PAM: variants seen among roughly 807,000 people sequenced by gnomAD.
PAM encodes the protein peptidyl-glycine alpha-amidating monooxygenase.
A neutral mutation model predicts 122.1 loss-of-function variants in PAM; 72 were observed. The ratio of observed to expected loss-of-function variants is 0.59; its 90% CI spans 0.49 to 0.72. The LOEUF is 0.72. PAM is among the 30% of genes least tolerant of loss of function. The pLI, the probability that PAM is intolerant of heterozygous loss-of-function variation, is 0.00. For synonymous variants in PAM, 389 were observed against 404.4 expected, an observed-to-expected ratio of 0.96 and a Z score of 0.46; for missense variants, 1,106 against 1,183.7, an observed-to-expected ratio of 0.93 and a Z score of 0.96.
chr5:102,877,486 A>G (rs1051313615), intron 3 of PAM, among the ~76,000 whole-genome samples: 4 of 152,206 alleles, frequency 2.6e-5, no homozygotes, highest in African/African-American at 9.6e-5. Context: ...GAAAATATTT[A>G]TGGAGGCAGC....
intron 1 of PAM, among the ~76,000 whole-genome samples, chr5:102,780,599 C>T (rs466798): frequency 1.3e-5 from 2 of 151,404 alleles, no homozygotes; most frequent in East Asian, 1.9e-4. Flanking sequence ...GTGTACCTCC[C>T]GACTGAACTC....
chr5:102,958,596 A>G (rs146625997), intron 12 of PAM, among the ~76,000 whole-genome samples: 265 of 152,242 alleles, frequency 1.7e-3, no homozygotes, highest in African/African-American at 6.3e-3. Flanking sequence ...CTTATATTTC[A>G]CGGGAGAGGC....
intron 3 of PAM, among the ~76,000 whole-genome samples, chr5:102,878,205 T>TTA (rs2151089765): frequency 6.6e-6 from 1 of 152,204 alleles, no homozygotes; most frequent in South Asian, 2.1e-4. Flanking sequence ...TAGAATAATT[T>TTA]TATATATACA....
At chr5:102,847,161 A>G (rs1431433930) in intron 1 of PAM, among the ~76,000 whole-genome samples, 1 of 152,094 alleles carries the variant, frequency 6.6e-6, no homozygotes, top group Non-Finnish European at 1.5e-5. Flanking sequence ...GGTCTAAGGT[A>G]CTCAGATTTC....
rs2151948630 is a variant in PAM, at chr5:102,947,166, C to T, written c.575+281C>T. Reference sequence around the variant, plus strand: ...GAGGAGCCACTTCCAACATCACTCACATAGTTGTCGGCAGGCTTCAGTTCT... The same window carrying T: ...GAGGAGCCACTTCCAACATCACTCATATAGTTGTCGGCAGGCTTCAGTTCT... On this transcript the variant is annotated intron_variant, in intron 8 of 25. Coordinates refer to ENST00000438793, the MANE Select transcript of PAM (RefSeq NM_001177306.2). Among the ~76,000 whole-genome samples the T allele has an allele frequency of 1.3e-5, 2 of 152,292 alleles. 1 individual carries two copies. Among genetic ancestry groups the T allele is most frequent in the South Asian group, 4.1e-4 (2 of 4,826 alleles).
Position 102,843,516 on chromosome 5 carries a change from A to T in PAM, c.-373-22307A>T, listed in dbSNP as rs144547826. On this transcript the variant is annotated intron_variant, in intron 1 of 25. Transcript: ENST00000438793. ...AAGAAAAACTAGTAACTTGGAGTTC[A>T]TCAAAGCTAAAAACATCTTCTCTGT... is the stretch of plus-strand genomic sequence containing the variant. Among the ~76,000 whole-genome samples, 22 of 152,316 alleles carry T rather than the reference A, an allele frequency of 1.4e-4. No homozygotes were observed. The South Asian group carries it at 4.6e-3, about 32-fold the overall frequency.
chr5:102,858,427 C>T lies in PAM; in HGVS notation c.-373-7396C>T, dbSNP rs549904945. Among the ~76,000 whole-genome samples the T allele has an allele frequency of 9.5e-4, 144 of 152,258 alleles. 1 individual carries two copies. The highest frequency in any genetic ancestry group is 3.3e-3 in the African/African-American group (136 of 41,552). On this transcript the variant is annotated intron_variant, in intron 1 of 25. Coordinates refer to ENST00000438793, the MANE Select transcript of PAM (RefSeq NM_001177306.2). ...GGTGGAGGCCAAGGGTGCCGCTGAA[C>T]ACCCTGTAATACACAGGACAGCCCC...
At chr5:103,022,215 C>T (rs1176236202) in intron 23 of PAM, among the ~76,000 whole-genome samples, 1 of 144,974 alleles carries the variant, frequency 6.9e-6, no homozygotes, top group East Asian at 2.2e-4. Flanking sequence ...GTAAGCAACA[C>T]ATTGTAAGGA....
At chr5:102,913,882 T>A in intron 4 of PAM, 52 bp from the exon 5 acceptor site, 1 of 987,946 alleles carries the variant, frequency 1.0e-6, no homozygotes. Context: ...ATGACTTTGG[T>A]GCACAGAAGT....
At position 102,808,553 on chromosome 5, in the gene PAM, G is replaced by A. The variant is rs1766899853; in HGVS notation, c.-374+53205G>A. ...TAACTTCCTTAAAATATTTTGACAA[G>A]TGTCACAGGGCAAGTAGGGCTAATT... On this transcript the variant is annotated intron_variant, in intron 1 of 25. Coordinates refer to ENST00000438793, the MANE Select transcript of PAM (RefSeq NM_001177306.2). 2.6e-5 allele frequency among the ~76,000 whole-genome samples: 4 copies of A among 152,154 alleles called. No homozygotes were observed. In the South Asian group the frequency reaches 8.3e-4, roughly 32 times the overall value.
At chr5:102,918,935 G>A (rs984055355) in intron 5 of PAM, among the ~76,000 whole-genome samples, 2 of 151,988 alleles carry the variant, frequency 1.3e-5, no homozygotes, top group Admixed American at 6.6e-5. Flanking sequence ...ATTATTTTTA[G>A]TTCTTCCTAT....
chr5:102,851,236 A>G (rs1438404419), intron 1 of PAM, among the ~76,000 whole-genome samples: 1 of 152,192 alleles, frequency 6.6e-6, no homozygotes, highest in Non-Finnish European at 1.5e-5. Context: ...AGTGTGAGTG[A>G]ATACTTAGGT....
intron 16 of PAM, among the ~76,000 whole-genome samples, chr5:102,995,683 G>A (rs1456317482): frequency 6.6e-6 from 1 of 152,048 alleles, no homozygotes; most frequent in African/African-American, 2.4e-5. Flanking sequence ...CTGGATGTAT[G>A]ATACCTAGTT....
chr5:103,001,509 A>G (rs1777373093), intron 16 of PAM, among the ~76,000 whole-genome samples: 1 of 152,114 alleles, frequency 6.6e-6, no homozygotes, highest in South Asian at 2.1e-4. Context: ...TGCATATAAT[A>G]GCATATATAA....
chr5:102,760,573 C>G (rs1234857336), intron 1 of PAM, among the ~76,000 whole-genome samples: 1 of 152,172 alleles, frequency 6.6e-6, no homozygotes, highest in Non-Finnish European at 1.5e-5. Context: ...TGCTTAATAG[C>G]CATACAAGGC....
chr5:102,932,900 T>C (rs1039469640), intron 7 of PAM, among the ~76,000 whole-genome samples: 4 of 152,164 alleles, frequency 2.6e-5, no homozygotes, highest in African/African-American at 4.8e-5. Context: ...ACTGGGCTCA[T>C]TGCCATCTCC....
At chr5:102,812,664 C>T (rs1346075675) in intron 1 of PAM, among the ~76,000 whole-genome samples, 1 of 151,918 alleles carries the variant, frequency 6.6e-6, no homozygotes, top group African/African-American at 2.4e-5. Context: ...TGTACAGCAA[C>T]CTTAGGATTC....
intron 7 of PAM, among the ~76,000 whole-genome samples, chr5:102,938,895 T>C (rs1754160529): frequency 1.3e-5 from 2 of 152,126 alleles, no homozygotes; most frequent in African/African-American, 2.4e-5. Flanking sequence ...TTTCACGCTG[T>C]TCCCCACTGC....
intron 1 of PAM, among the ~76,000 whole-genome samples, chr5:102,854,807 C>A (rs749053955): frequency 2.0e-5 from 3 of 152,154 alleles, no homozygotes; most frequent in Non-Finnish European, 2.9e-5. Context: ...TCAAAGAATT[C>A]TAACAAACAT....
Sources: gnomAD v4.1 joint callset for allele counts (sites outside exome capture counted in the v4.1 genomes callset) on GRCh38, gnomAD v4.1.1 for gene constraint, MANE v1.5 for transcripts, NCBI Gene and HGNC (gene_info 2026-07-23, HGNC 2026-07-21) for gene names.